Variants in TP53BP2 observed in about 807,000 individuals in gnomAD.
The protein encoded by TP53BP2 is tumor protein p53 binding protein 2, also known as apoptosis-stimulating of p53 protein 2.
In TP53BP2, 62 loss-of-function variants were observed where a neutral mutation model predicts 126.2. The observed-to-expected ratio is 0.49, with a 90% CI of 0.40 to 0.61. TP53BP2 has a LOEUF of 0.61. Ranked by LOEUF, TP53BP2 falls within the 20% of genes least tolerant of loss-of-function variation. TP53BP2 has a pLI of 0.00. For missense variants in TP53BP2, 1,215 were observed against 1,402.8 expected (o/e 0.87, Z 2.14); for synonymous variants, 485 against 502.9 (o/e 0.96, Z 0.48).
intron 15 of TP53BP2, among the ~76,000 whole-genome samples, chr1:223,790,700 C>T (rs1438950104): frequency 6.6e-6 from 1 of 150,884 alleles, no homozygotes; most frequent in Non-Finnish European, 1.5e-5. Flanking sequence ...GACCTCCAGG[C>T]TCCAGCAATC....
intron 1 of TP53BP2, among the ~76,000 whole-genome samples, chr1:223,841,157 G>A (rs1013529235): frequency 4.6e-5 from 7 of 152,144 alleles, no homozygotes; most frequent in African/African-American, 1.7e-4. Context: ...GCACAGAACT[G>A]CTTTAACCCC....
chr1:223,814,349 A>G lies in TP53BP2; in HGVS notation c.180T>C (p.Arg60=), dbSNP rs1328688074. The change falls in exon 3 of 18, where the codon CGT becomes CGC. Residue 60 remains arginine (R), a synonymous_variant. Coordinates refer to ENST00000343537, the MANE Select transcript of TP53BP2 (RefSeq NM_001031685.3). ...ACATTCGCTCATTATCCGCAACTGG[A>G]CGTTCTAAAGCAAATGAGTAGAAAC... ...HLAEVWCGSE[R]PVADNERMFD... is the part of the protein sequence containing the mutation. 1 of 1,611,290 alleles carries G rather than the reference A, an allele frequency of 6.2e-7. No homozygotes were observed. Among genetic ancestry groups the G allele is most frequent in the Non-Finnish European group, 8.5e-7 (1 of 1,177,562 alleles).
At chr1:223,836,254 T>C (rs1663918100) in intron 1 of TP53BP2, among the ~76,000 whole-genome samples, 1 of 152,180 alleles carries the variant, frequency 6.6e-6, no homozygotes, top group African/African-American at 2.4e-5. Flanking sequence ...TGGAGGGCAA[T>C]ATGCAAGAGT....
At chr1:223,805,412 G>A (rs1662677242) in intron 5 of TP53BP2, among the ~76,000 whole-genome samples, 1 of 152,228 alleles carries the variant, frequency 6.6e-6, no homozygotes, top group Admixed American at 6.5e-5. Context: ...AAATGCAGAA[G>A]CTCAAACCTC....
Position 223,796,787 on chromosome 1 carries a change from G to C in TP53BP2, c.1949-197C>G, listed in dbSNP as rs1662340682. Among the ~76,000 whole-genome samples the C allele has an allele frequency of 6.6e-6, 1 of 152,122 alleles. No individual in the cohort carries two copies. Among genetic ancestry groups the C allele is most frequent in the Admixed American group, 6.6e-5 (1 of 15,264 alleles). ...ATCTTTGCATAATAAACTTATTACA[G>C]AATCAAAACCCCCACTGATTGTAAC... On this transcript the variant is annotated intron_variant, in intron 12 of 17. Transcript: ENST00000343537. The surrounding 1 kb of genome is among the most constrained non-coding windows in gnomAD (Gnocchi z 4.2).
intron 10 of TP53BP2, among the ~76,000 whole-genome samples, 169 bp downstream of exon 10, chr1:223,800,531 C>A (rs1317158447): frequency 6.6e-6 from 1 of 152,042 alleles, no homozygotes; most frequent in Non-Finnish European, 1.5e-5. Flanking sequence ...CACCAGTGAG[C>A]CATGAGCGCA....
Position 223,800,716 on chromosome 1 carries a change from C to T in TP53BP2, c.1320G>A (p.Gly440=). 6.2e-7 allele frequency: 1 copy of T among 1,600,596 alleles called. No individual in the cohort carries two copies. Among genetic ancestry groups the T allele is most frequent in the Non-Finnish European group, 8.5e-7 (1 of 1,176,702 alleles). ...QGSASVPQST[G]NALDQVDDGE... is the part of the protein sequence containing the mutation. Reference sequence around the variant, plus strand: ...AAATCTCACCTTGATCCAGAGCATTCCCAGTGCTTTGAGGTACAGAAGCAG... The same window carrying T: ...AAATCTCACCTTGATCCAGAGCATTTCCAGTGCTTTGAGGTACAGAAGCAG... The change falls in exon 10 of 18, where the codon GGG becomes GGA. Residue 440 remains glycine, a synonymous_variant. Transcript: ENST00000343537.
chr1:223,802,151 G>A lies in TP53BP2; in HGVS notation c.1190C>T (p.Pro397Leu). ...SEGPMKIQTL[P>L]NMRSGAASQT... is the part of the protein sequence containing the mutation. ...TGAAGCAGCCCCAGATCTCATGTTG[G>A]GCAGTGTCTGTATTTTCATCGGCCC... is the stretch of plus-strand genomic sequence containing the variant. Residue 397 changes from proline to leucine, a missense_variant, in exon 9 of 18, where the codon CCC becomes CTC. Around this residue, in one of 4 missense-constraint regions of TP53BP2, gnomAD observed 814 missense variants for 853.0 expected, o/e 0.95. Coordinates refer to ENST00000343537, the MANE Select transcript of TP53BP2 (RefSeq NM_001031685.3). The A allele has an allele frequency of 6.2e-7, 1 of 1,614,154 alleles. No individual in the cohort carries two copies. Among genetic ancestry groups the A allele is most frequent in the Non-Finnish European group, 8.5e-7 (1 of 1,180,016 alleles).
intron 2 of TP53BP2, among the ~76,000 whole-genome samples, chr1:223,819,939 G>A (rs1268951343): frequency 1.3e-5 from 2 of 152,226 alleles, no homozygotes; most frequent in Middle Eastern, 3.4e-3. Context: ...CATATGTTTG[G>A]GGCTATCAGG....
intron 1 of TP53BP2, among the ~76,000 whole-genome samples, chr1:223,827,547 G>T (rs1663542920): frequency 2.0e-5 from 3 of 152,310 alleles, no homozygotes; most frequent in East Asian, 1.9e-4. Context: ...AGTGTGTTCT[G>T]CCCTAACCCA....
intron 17 of TP53BP2, among the ~76,000 whole-genome samples, chr1:223,783,533 G>A (rs913416851): frequency 6.6e-6 from 1 of 152,082 alleles, no homozygotes; most frequent in Non-Finnish European, 1.5e-5. Context: ...GAGAACAGCT[G>A]AATCTATAAA....
intron 1 of TP53BP2, among the ~76,000 whole-genome samples, chr1:223,835,739 G>A (rs529141849): frequency 1.3e-5 from 2 of 152,230 alleles, no homozygotes; most frequent in Non-Finnish European, 2.9e-5. Flanking sequence ...TCCCTACAGT[G>A]TGCCAAACAC....
intron 12 of TP53BP2, among the ~76,000 whole-genome samples, chr1:223,797,384 A>G (rs984098013): frequency 2.0e-5 from 3 of 151,064 alleles, no homozygotes; most frequent in Admixed American, 2.0e-4. Context: ...ACAATGACTT[A>G]AAATACAGTA....
At chr1:223,813,941 C>G (rs763816463) in intron 3 of TP53BP2, among the ~76,000 whole-genome samples, 32 of 152,210 alleles carry the variant, frequency 2.1e-4, no homozygotes, top group Non-Finnish European at 4.3e-4. Flanking sequence ...GAAGAGGGAT[C>G]CTTCCTCTTG....
chr1:223,814,115 T>C, intron 3 of TP53BP2, 125 bp downstream of exon 3: 1 of 667,436 alleles, frequency 1.5e-6, no homozygotes, highest in Middle Eastern at 2.5e-4. Context: ...CTATCTCCAC[T>C]GTTTCCACTT....
At chr1:223,811,991 C>T (rs1264777724) in intron 3 of TP53BP2, among the ~76,000 whole-genome samples, 1 of 137,308 alleles carries the variant, frequency 7.3e-6, no homozygotes, top group Non-Finnish European at 1.5e-5. Context: ...GGGTAAAATT[C>T]AACTAATTAG....
chr1:223,803,220 CTG>C (rs781710712), intron 7 of TP53BP2, 49 bp downstream of exon 7: 1 of 1,546,866 alleles, frequency 6.5e-7, no homozygotes, highest in Admixed American at 2.0e-5. Flanking sequence ...ATGAGCAACT[CTG>C]TTTCTGGAAA....
chr1:223,845,410 C>CA (rs1276772220), intron 1 of TP53BP2, among the ~76,000 whole-genome samples: 1 of 152,208 alleles, frequency 6.6e-6, no homozygotes, highest in Non-Finnish European at 1.5e-5. Context: ...GACTCCGGAG[C>CA]AGCTGGAGGA....
intron 2 of TP53BP2, 26 bp downstream of exon 2, chr1:223,821,194 A>T: frequency 1.9e-6 from 3 of 1,613,852 alleles, no homozygotes; most frequent in Admixed American, 3.3e-5. Flanking sequence ...GAAGAACTAA[A>T]GCACGAGGCT....
Sources: allele counts gnomAD v4.1 joint callset (sites outside exome capture counted in the v4.1 genomes callset), GRCh38; gene constraint gnomAD v4.1.1; regional missense constraint gnomAD v4.1.1; non-coding constraint Gnocchi (gnomAD v3.1); transcripts MANE v1.5; gene names NCBI Gene and HGNC (gene_info 2026-07-23, HGNC 2026-07-21).